Variants in GRM8 observed in about 807,000 individuals in gnomAD.
GRM8 encodes the protein metabotropic glutamate receptor 8.
A neutral mutation model predicts 87.2 loss-of-function variants in GRM8; 47 were observed. The observed-to-expected ratio is 0.54, with a 90% CI of 0.43 to 0.69. The LOEUF (loss-of-function observed/expected upper bound fraction) is 0.69, where lower values mean the gene tolerates loss of function less well. Ranked by LOEUF, GRM8 falls within the 30% of genes least tolerant of loss-of-function variation. GRM8 has a pLI of 0.00. For missense variants in GRM8, 1,019 were observed against 1,139.2 expected (o/e 0.89, Z 1.52); for synonymous variants, 396 against 404.5 (o/e 0.98, Z 0.25).
At chr7:126,602,279 T>G (rs1180739846) in intron 8 of GRM8, among the ~76,000 whole-genome samples, 1 of 146,760 alleles carries the variant, frequency 6.8e-6, no homozygotes, top group African/African-American at 2.5e-5. Context: ...TCTGTTCTGT[T>G]CCATTGATCT....
chr7:126,849,768 T>A (rs953637391), intron 6 of GRM8, among the ~76,000 whole-genome samples: 1 of 152,048 alleles, frequency 6.6e-6, no homozygotes, highest in East Asian at 1.9e-4. Context: ...ACCCACCTCA[T>A]CTGGTCTGCA....
At chr7:126,748,919 A>C (rs973352564) in intron 7 of GRM8, among the ~76,000 whole-genome samples, 1 of 152,098 alleles carries the variant, frequency 6.6e-6, no homozygotes, top group Non-Finnish European at 1.5e-5. Context: ...TAGTAGAACA[A>C]TTAATATTGA....
intron 6 of GRM8, among the ~76,000 whole-genome samples, chr7:126,859,629 A>T (rs1170036090): frequency 2.6e-5 from 4 of 152,198 alleles, no homozygotes; most frequent in Admixed American, 6.6e-5. Flanking sequence ...GTACTTTGAG[A>T]GTCTGATGCA....
chr7:126,902,538 T>C lies in GRM8; in HGVS notation c.1156+4A>G. ...TGCACCACAGGAAACATTTGAGTGG[T>C]TACCTGTGCATTTCTTTATATGACT... On this transcript the variant is annotated splice_donor_region_variant and intron_variant, in intron 6 of 10. Coordinates refer to ENST00000339582, the MANE Select transcript of GRM8 (RefSeq NM_000845.3). 6.3e-7 allele frequency: 1 copy of C among 1,575,784 alleles called. No individual in the cohort carries two copies. Among genetic ancestry groups the C allele is most frequent in the Non-Finnish European group, 8.6e-7 (1 of 1,164,074 alleles).
At chr7:127,202,200 A>G (rs1449393813) in intron 2 of GRM8, among the ~76,000 whole-genome samples, 2 of 152,000 alleles carry the variant, frequency 1.3e-5, no homozygotes, top group Non-Finnish European at 2.9e-5. Flanking sequence ...AAGAAAAAAA[A>G]AAAGGGTCTC....
chr7:127,251,095 TCCCTCCCGGGGTGGGA>T, intron 1 of GRM8: 1 of 152,254 alleles, frequency 6.6e-6, no homozygotes, highest in Middle Eastern at 3.4e-3. Context: ...AATAAGGCAC[TCCCTCCCGGGGTGGGA>T]CTTGCTTAGG....
intron 2 of GRM8, among the ~76,000 whole-genome samples, chr7:127,185,088 C>A (rs1163228258): frequency 6.6e-6 from 1 of 152,010 alleles, no homozygotes; most frequent in Non-Finnish European, 1.5e-5. Flanking sequence ...AAAATCCCAG[C>A]AAGCTATTTT....
intron 3 of GRM8, among the ~76,000 whole-genome samples, chr7:127,011,688 A>T (rs1029292273): frequency 1.4e-4 from 21 of 152,280 alleles, no homozygotes; most frequent in Non-Finnish European, 2.1e-4. Flanking sequence ...ATTTCCAACA[A>T]AAGCTTTATA....
At position 126,992,350 on chromosome 7, in the gene GRM8, G is replaced by T. The variant is rs183146507; in HGVS notation, c.728-87667C>A. On this transcript the variant is annotated intron_variant, in intron 3 of 10. Transcript: ENST00000339582. ...TCTTTATTCAGAAAGAGTGTATTGT[G>T]CATGTAGAAAATCTTAAAAATCTAC... Among the ~76,000 whole-genome samples the T allele has an allele frequency of 3.3e-5, 5 of 152,168 alleles. No homozygotes were observed. The East Asian group carries it at 9.7e-4, about 29-fold the overall frequency.
chr7:127,020,295 G>A (rs911422359), intron 3 of GRM8, among the ~76,000 whole-genome samples: 2 of 152,100 alleles, frequency 1.3e-5, no homozygotes, highest in Non-Finnish European at 2.9e-5. Context: ...CCTGGGCACA[G>A]CCCTGAGCAG....
chr7:126,547,397 A>G (rs1319768754), intron 8 of GRM8, among the ~76,000 whole-genome samples: 1 of 152,050 alleles, frequency 6.6e-6, no homozygotes, highest in African/African-American at 2.4e-5. Context: ...GAAATAGGAA[A>G]TTTCTATTAA....
chr7:126,715,278 TACTC>T (rs780533713), intron 7 of GRM8, among the ~76,000 whole-genome samples: 8 of 152,338 alleles, frequency 5.3e-5, no homozygotes, highest in East Asian at 3.9e-4. Context: ...TTTAAGCAGA[TACTC>T]ACAACACTTG....
At position 126,833,612 on chromosome 7, in the gene GRM8, G is replaced by A. The variant is rs112274840; in HGVS notation, c.1157-63547C>T. Among the ~76,000 whole-genome samples, 1,459 of 152,268 alleles carry A rather than the reference G, an allele frequency of 9.6e-3. 13 individuals are homozygous for A. Among genetic ancestry groups the A allele is most frequent in the African/African-American group, 0.033 (1,358 of 41,536 alleles). On this transcript the variant is annotated intron_variant, in intron 6 of 10. Coordinates refer to ENST00000339582, the MANE Select transcript of GRM8 (RefSeq NM_000845.3). ...CACATGAGAGACAGAGAGGAAGCCC[G>A]TGTGTCTCTTTCTCGTCTTATAAGC... is the stretch of plus-strand genomic sequence containing the variant.
chr7:126,441,900 T>A (rs147144788), intron 10 of GRM8, among the ~76,000 whole-genome samples: 2 of 152,102 alleles, frequency 1.3e-5, no homozygotes, highest in African/African-American at 4.8e-5. Context: ...TCTGCTTATC[T>A]TATCTACATT....
intron 2 of GRM8, among the ~76,000 whole-genome samples, chr7:127,175,234 C>T (rs180866313): frequency 5.8e-4 from 89 of 152,156 alleles, no homozygotes; most frequent in African/African-American, 2.0e-3. Flanking sequence ...ACTGAATATG[C>T]CTTTTATGGA....
At chr7:127,120,367 A>T (rs150505189) in intron 2 of GRM8, among the ~76,000 whole-genome samples, 87 of 152,358 alleles carry the variant, frequency 5.7e-4, no homozygotes, top group Non-Finnish European at 9.6e-4. Flanking sequence ...TGCAAAAGAT[A>T]AATTCAACAG....
intron 6 of GRM8, among the ~76,000 whole-genome samples, chr7:126,830,807 C>T (rs372774847): frequency 5.3e-5 from 8 of 152,014 alleles, no homozygotes; most frequent in African/African-American, 9.7e-5. Context: ...AGTTTTTCTG[C>T]TCTGTTTTTT....
chr7:126,482,634 T>TG (rs1806829082), intron 9 of GRM8, among the ~76,000 whole-genome samples: 2 of 151,918 alleles, frequency 1.3e-5, no homozygotes, highest in South Asian at 4.1e-4. Context: ...ATCCAGGGTC[T>TG]GGGGGGAAGA....
At chr7:126,479,755 G>A (rs552726702) in intron 9 of GRM8, among the ~76,000 whole-genome samples, 18 of 143,824 alleles carry the variant, frequency 1.3e-4, no homozygotes, top group Non-Finnish European at 2.0e-4. Context: ...CAGACAGACA[G>A]ACAGACAGAC....
Sources: allele counts gnomAD v4.1 joint callset (sites outside exome capture counted in the v4.1 genomes callset), GRCh38; gene constraint gnomAD v4.1.1; transcripts MANE v1.5; gene names NCBI Gene and HGNC (gene_info 2026-07-23, HGNC 2026-07-21).